Variants in PRR5 observed in about 807,000 individuals in gnomAD.
The protein encoded by PRR5 is proline rich 5.
In PRR5, 25 loss-of-function variants were observed where a neutral mutation model predicts 30.6. The ratio of observed to expected loss-of-function variants is 0.82; its 90% CI spans 0.60 to 1.14. The LOEUF is 1.14. Ranked by LOEUF, PRR5 falls within the 50% of genes most tolerant of loss-of-function variation. The pLI, the probability that PRR5 is intolerant of heterozygous loss-of-function variation, is 0.00. For missense variants in PRR5, 600 were observed against 547.1 expected, an observed-to-expected ratio of 1.10 and a Z score of -0.96; for synonymous variants, 286 against 247.1, an observed-to-expected ratio of 1.16 and a Z score of -1.48.
intron 1 of PRR5, among the ~76,000 whole-genome samples, chr22:44,690,222 C>T (rs1021575713): frequency 3.9e-5 from 6 of 152,226 alleles, no homozygotes; most frequent in Non-Finnish European, 7.4e-5. Context: ...GAGGAAGCAC[C>T]GGATCAGGGA....
chr22:44,692,860 G>A (rs1054005521), intron 1 of PRR5, among the ~76,000 whole-genome samples: 1 of 152,134 alleles, frequency 6.6e-6, no homozygotes, highest in African/African-American at 2.4e-5. Context: ...GGAAGTGCAC[G>A]AGCTCTCAGC....
chr22:44,737,150 A>G lies in PRR5; in HGVS notation c.1070A>G (p.Asp357Gly). 6.2e-7 allele frequency: 1 copy of G among 1,612,622 alleles called. No homozygotes were observed. The highest frequency in any genetic ancestry group is 8.5e-7 in the Non-Finnish European group (1 of 1,179,988). The change falls in exon 8 of 8, where the codon GAC becomes GGC. Residue 357 changes from aspartate to glycine, a missense_variant. By Grantham distance (94) the Asp-to-Gly change is moderately conservative. Transcript: ENST00000336985. ...NLVDQILESV[D>G]SDSEGIFIDF... ...GTGGACCAGATCCTGGAGTCCGTGG[A>G]CTCGGATTCTGAAGGGATTTTCATT...
At chr22:44,697,595 C>T (rs1044822774), upstream of PRR5, among the ~76,000 whole-genome samples, 2 of 152,220 alleles carry the variant, frequency 1.3e-5, no homozygotes, top group African/African-American at 2.4e-5. Flanking sequence ...CACCAGGGGG[C>T]GGACGTGCCC....
At chr22:44,725,105 C>T in intron 2 of PRR5, 139 bp from the exon 3 acceptor site, 1 of 1,269,298 alleles carries the variant, frequency 7.9e-7, no homozygotes, top group Non-Finnish European at 1.1e-6. Flanking sequence ...ACAGGTGGGA[C>T]CTGTCCACTA....
upstream of PRR5, among the ~76,000 whole-genome samples, chr22:44,698,774 A>G (rs560913311): frequency 5.8e-4 from 89 of 152,366 alleles, 3 homozygotes; most frequent in South Asian, 1.9e-3. Context: ...TGTTGGCCGC[A>G]CGCAGTTTGG....
chr22:44,679,967 A>G, intron 1 of PRR5: 17 of 1,355,598 alleles, frequency 1.3e-5, no homozygotes, highest in Non-Finnish European at 1.6e-5. Flanking sequence ...GGCTTAGGGA[A>G]AGGTGAGTAG....
intron 2 of PRR5, among the ~76,000 whole-genome samples, chr22:44,718,529 A>AT (rs1224787258): frequency 1.3e-5 from 2 of 152,040 alleles, no homozygotes; most frequent in African/African-American, 2.4e-5. Context: ...TAGCAGTGGA[A>AT]TTGCTGGGTC....
chr22:44,729,247 C>T (rs985057670), intron 4 of PRR5: 1 of 903,810 alleles, frequency 1.1e-6, no homozygotes. Context: ...TGGCTTTTGT[C>T]ACTGCCCTGC....
At chr22:44,730,599 ATC>A in intron 4 of PRR5, 1 of 992,150 alleles carries the variant, frequency 1.0e-6, no homozygotes, top group Non-Finnish European at 1.2e-6. Flanking sequence ...CTACCTACGT[ATC>A]TGTTTCAGAG....
At chr22:44,690,638 A>C (rs1925156164) in intron 1 of PRR5, among the ~76,000 whole-genome samples, 1 of 152,178 alleles carries the variant, frequency 6.6e-6, no homozygotes, top group South Asian at 2.1e-4. Context: ...CCCGAGGTCG[A>C]CATCTATTAA....
intron 1 of PRR5, among the ~76,000 whole-genome samples, chr22:44,709,812 G>A (rs911800166): frequency 3.9e-5 from 6 of 152,156 alleles, no homozygotes; most frequent in Non-Finnish European, 2.9e-5. Flanking sequence ...AGATTGCACC[G>A]CTGCACTCCA....
At chr22:44,705,079 G>T (rs1371209447) in intron 1 of PRR5, among the ~76,000 whole-genome samples, 2 of 152,198 alleles carry the variant, frequency 1.3e-5, no homozygotes, top group Non-Finnish European at 2.9e-5. Flanking sequence ...CTGTGTGACT[G>T]TATTAGCTTC....
intron 5 of PRR5, 68 bp from the exon 6 acceptor site, chr22:44,732,183 G>T (rs1922127698): frequency 1.9e-6 from 3 of 1,583,184 alleles, no homozygotes; most frequent in South Asian, 2.2e-5. Flanking sequence ...GGGGTCCCAG[G>T]ACCGGGAGAG....
intron 2 of PRR5, among the ~76,000 whole-genome samples, chr22:44,715,931 G>A (rs2147085679): frequency 6.6e-6 from 1 of 152,336 alleles, no homozygotes. Context: ...TTACAGGTGT[G>A]AGCCACCATG....
chr22:44,702,774 A>G, intron 1 of PRR5, among the ~76,000 whole-genome samples, 166 bp downstream of exon 1: 1 of 152,074 alleles, frequency 6.6e-6, no homozygotes, highest in Non-Finnish European at 1.5e-5. Flanking sequence ...GCGGGCCTGG[A>G]GGAAAGTTCA....
chr22:44,724,578 G>A (rs1930403350), intron 2 of PRR5, among the ~76,000 whole-genome samples: 1 of 152,230 alleles, frequency 6.6e-6, no homozygotes, highest in Admixed American at 6.5e-5. Context: ...CCTGGCTGGT[G>A]TGGAATGTGG....
chr22:44,724,561 C>G (rs983426531), intron 2 of PRR5, among the ~76,000 whole-genome samples: 2 of 152,198 alleles, frequency 1.3e-5, no homozygotes, highest in East Asian at 1.9e-4. Flanking sequence ...TGCCTGTGTA[C>G]TTTCAGCCTG....
intron 2 of PRR5, among the ~76,000 whole-genome samples, chr22:44,720,913 G>T (rs960685076): frequency 6.6e-6 from 1 of 152,202 alleles, no homozygotes; most frequent in Non-Finnish European, 1.5e-5. Flanking sequence ...ACCCCAGGTA[G>T]GGCTTCATTA....
At chr22:44,726,693 G>C (rs1172126021) in intron 4 of PRR5, 59 bp downstream of exon 4, 2 of 1,612,654 alleles carry the variant, frequency 1.2e-6, no homozygotes, top group East Asian at 4.5e-5. Flanking sequence ...CTGGCTGCTG[G>C]ACTGCTGGGC....
Sources: gnomAD v4.1 joint callset for allele counts (sites outside exome capture counted in the v4.1 genomes callset) on GRCh38, gnomAD v4.1.1 for gene constraint, MANE v1.5 for transcripts, NCBI Gene and HGNC (gene_info 2026-07-23, HGNC 2026-07-21) for gene names.